Variants in P2RY14 observed in about 807,000 individuals in gnomAD.
The protein encoded by P2RY14 is P2Y purinoceptor 14.
P2RY14 carries 2 observed loss-of-function variants against 0.9 expected under a neutral mutation model. The ratio of observed to expected loss-of-function variants is 2.16; its 90% CI spans 0.88 to 6.79. P2RY14 has a LOEUF of 6.79. Among genes scored for constraint, P2RY14 ranks in the 30% most tolerant of loss-of-function variants. The pLI is 0.05. For missense variants in P2RY14, 378 were observed against 400.1 expected (o/e 0.94, Z 0.47); for synonymous variants, 158 against 147.2 (o/e 1.07, Z -0.53).
intron 1 of P2RY14, among the ~76,000 whole-genome samples, chr3:151,252,845 AC>A (rs1272485682): frequency 1.3e-5 from 2 of 152,092 alleles, no homozygotes; most frequent in African/African-American, 4.8e-5. Context: ...TTTAACCAAA[AC>A]TGGTATTTGG....
chr3:151,277,209 G>GTT (rs1330337161), intron 1 of P2RY14, among the ~76,000 whole-genome samples: 1 of 142,440 alleles, frequency 7.0e-6, no homozygotes, highest in African/African-American at 2.6e-5. Context: ...TGGCCTCCTT[G>GTT]TTTTTTTTTT....
chr3:151,227,020 T>G (rs13321176), intron 1 of P2RY14, among the ~76,000 whole-genome samples: 20,457 of 152,220 alleles, frequency 0.13, 1,492 homozygotes, highest in Middle Eastern at 0.18. Context: ...TGCTGCTGTT[T>G]GTCACCTTCA....
intron 1 of P2RY14, among the ~76,000 whole-genome samples, chr3:151,258,245 A>G (rs1003963210): frequency 1.3e-5 from 2 of 152,190 alleles, no homozygotes; most frequent in African/African-American, 4.8e-5. Flanking sequence ...GGCATAATCA[A>G]GTACTCTTGA....
At chr3:151,236,655 C>T (rs1050178115) in intron 1 of P2RY14, among the ~76,000 whole-genome samples, 3 of 152,098 alleles carry the variant, frequency 2.0e-5, no homozygotes, top group African/African-American at 7.2e-5. Context: ...ATTTTTGTAA[C>T]ATCTATATGT....
At chr3:151,271,149 A>G in intron 1 of P2RY14, among the ~76,000 whole-genome samples, 1 of 152,206 alleles carries the variant, frequency 6.6e-6, no homozygotes, top group Non-Finnish European at 1.5e-5. Context: ...GACTATTTAA[A>G]TAATTTTCAT....
At chr3:151,222,174 C>G (rs919111582) in intron 1 of P2RY14, among the ~76,000 whole-genome samples, 5 of 152,222 alleles carry the variant, frequency 3.3e-5, no homozygotes, top group African/African-American at 1.2e-4. Context: ...AATGCCTGTA[C>G]TGCATTGTAT....
At chr3:151,247,131 G>C (rs1735726855) in intron 1 of P2RY14, among the ~76,000 whole-genome samples, 1 of 152,154 alleles carries the variant, frequency 6.6e-6, no homozygotes, top group African/African-American at 2.4e-5. Flanking sequence ...TGGAGAGGAT[G>C]TGGAGAAATA....
chr3:151,246,403 G>A (rs1034834215), intron 1 of P2RY14, among the ~76,000 whole-genome samples: 12 of 151,858 alleles, frequency 7.9e-5, no homozygotes, highest in African/African-American at 2.4e-4. Context: ...AAACAGCATG[G>A]TACTGGTACC....
chr3:151,217,539 C>G (rs1728485020), intron 2 of P2RY14, among the ~76,000 whole-genome samples: 1 of 152,200 alleles, frequency 6.6e-6, no homozygotes, highest in Non-Finnish European at 1.5e-5. Context: ...TTACCTGCGC[C>G]CTTTCCCCAA....
intron 1 of P2RY14, among the ~76,000 whole-genome samples, chr3:151,245,212 C>G (rs551409720): frequency 1.3e-5 from 2 of 152,312 alleles, no homozygotes; most frequent in East Asian, 3.9e-4. Flanking sequence ...TGGTACCATT[C>G]CTTCTGAAAC....
intron 1 of P2RY14, among the ~76,000 whole-genome samples, chr3:151,240,351 C>T (rs965911750): frequency 6.6e-6 from 1 of 152,194 alleles, no homozygotes; most frequent in Non-Finnish European, 1.5e-5. Flanking sequence ...ACAGCTCAAG[C>T]AGTTTCCAGT....
intron 1 of P2RY14, among the ~76,000 whole-genome samples, chr3:151,235,258 A>G (rs1732496071): frequency 6.6e-6 from 1 of 152,182 alleles, no homozygotes; most frequent in Admixed American, 6.5e-5. Flanking sequence ...TTAAATTGTG[A>G]AAGATTTCTG....
chr3:151,242,418 T>G (rs1276954137), intron 1 of P2RY14, among the ~76,000 whole-genome samples: 2 of 152,206 alleles, frequency 1.3e-5, no homozygotes, highest in Admixed American at 6.5e-5. Flanking sequence ...AGCACGCAGC[T>G]GGAGATCTGA....
At chr3:151,222,784 T>G (rs769084175) in intron 1 of P2RY14, among the ~76,000 whole-genome samples, 1 of 152,174 alleles carries the variant, frequency 6.6e-6, no homozygotes, top group Non-Finnish European at 1.5e-5. Context: ...TTCCCCCAGA[T>G]CCTGTGCCCA....
Position 151,219,180 on chromosome 3 carries a change from A to G in P2RY14, c.-25+355T>C, listed in dbSNP as rs185291683. Among the ~76,000 whole-genome samples, 4 of 152,354 alleles carry G rather than the reference A, an allele frequency of 2.6e-5. No individual in the cohort carries two copies. The East Asian group carries it at 5.8e-4, about 22-fold the overall frequency. ...TAGATAGTGAGTGCACTTGTCCCTTAGTGCAGTGTAATATCTTAGGATTGT... is the reference window on the plus strand; with the variant it reads ...TAGATAGTGAGTGCACTTGTCCCTTGGTGCAGTGTAATATCTTAGGATTGT... On this transcript the variant is annotated intron_variant, in intron 2 of 2. Coordinates refer to ENST00000309170, the MANE Select transcript of P2RY14 (RefSeq NM_014879.4).
At chr3:151,261,685 GTGTTTTGTTTTGTTTTGTTTTGTTT>G (rs10627724) in intron 1 of P2RY14, among the ~76,000 whole-genome samples, 1 of 148,640 alleles carries the variant, frequency 6.7e-6, no homozygotes. Context: ...GTGGTACGTG[GTGTTTTGTTTTGTTTTGTTTTGTTT>G]TGTTTTGTTT....
chr3:151,240,663 A>C (rs1733893409), intron 1 of P2RY14, among the ~76,000 whole-genome samples: 1 of 152,256 alleles, frequency 6.6e-6, no homozygotes, highest in South Asian at 2.1e-4. Context: ...TGAAAATCTG[A>C]GTCCCAATAA....
chr3:151,239,568 T>C (rs184002638), intron 1 of P2RY14, among the ~76,000 whole-genome samples: 8 of 152,354 alleles, frequency 5.3e-5, no homozygotes, highest in Non-Finnish European at 7.3e-5. Flanking sequence ...ATAAAAATGT[T>C]ACTTGTGTTA....
At chr3:151,223,693 G>T (rs568204126) in intron 1 of P2RY14, among the ~76,000 whole-genome samples, 1 of 152,212 alleles carries the variant, frequency 6.6e-6, no homozygotes, top group African/African-American at 2.4e-5. Context: ...CAAAGACGGG[G>T]AGGTAGGAAG....
Sources: allele counts gnomAD v4.1 joint callset (sites outside exome capture counted in the v4.1 genomes callset), GRCh38; gene constraint gnomAD v4.1.1; transcripts MANE v1.5; gene names NCBI Gene and HGNC (gene_info 2026-07-23, HGNC 2026-07-21).